The following NCOR2 variants were observed in gnomAD, a reference collection of about 807,000 sequenced individuals.
NCOR2 encodes CTG repeat protein 26.
In NCOR2, 81 loss-of-function variants were observed where a neutral mutation model predicts 262.9. The observed-to-expected ratio is 0.31, with a 90% confidence interval of 0.26 to 0.37. The LOEUF is 0.37. NCOR2 is among the 10% of genes least tolerant of loss of function. The probability of loss-of-function intolerance (pLI) is 1.00; values close to 1 mark genes in which losing one functional copy is unlikely to be tolerated. For synonymous variants in NCOR2, 1,659 were observed against 1,559.3 expected (o/e 1.06, Z -1.51); for missense variants, 3,385 against 3,621.4 (o/e 0.93, Z 1.68).
exon 47 of NCOR2, chr12:124,324,872 G>A (rs1266825764): frequency 6.6e-6 from 1 of 152,636 alleles, no homozygotes; most frequent in Non-Finnish European, 1.5e-5. Context: ...GCCTGACTTG[G>A]TTTCCAGCAA....
chr12:124,342,026 G>T, exon 34 of NCOR2: 1 of 1,612,776 alleles, frequency 6.2e-7, no homozygotes, highest in Non-Finnish European at 8.5e-7. Flanking sequence ...GTACAGGTGC[G>T]GGTAGGTGGG....
chr12:124,429,414 A>C, intron 10 of NCOR2, 199 bp downstream of exon 12: 1 of 601,478 alleles, frequency 1.7e-6, no homozygotes, highest in Admixed American at 2.9e-5. Context: ...CCTCTCAGAC[A>C]CATTAACACC....
chr12:124,427,696 C>T (rs1341816436), intron 10 of NCOR2, among the ~76,000 whole-genome samples: 3 of 152,176 alleles, frequency 2.0e-5, no homozygotes, highest in Non-Finnish European at 2.9e-5. Context: ...TTGGAGCTGT[C>T]CCCTACACCC....
chr12:124,489,823 A>G (rs1375745570), intron 1 of NCOR2, among the ~76,000 whole-genome samples: 1 of 151,992 alleles, frequency 6.6e-6, no homozygotes, highest in Non-Finnish European at 1.5e-5. Context: ...CAGAGAGGAG[A>G]AAGGGGCTAG....
rs182220724 is a variant in NCOR2, at chr12:124,481,991, G to T, written c.411+1605C>A. On this transcript the variant is annotated intron_variant, in intron 3 of 46. Transcript: ENST00000405201. The surrounding 1 kb of genome is among the most constrained non-coding windows in gnomAD (Gnocchi z 4.6). ...TGGAATTGAGATATTTTAGGGCAGA[G>T]GTGTCAGGATTTGCTGATGGACTGG... Among the ~76,000 whole-genome samples the T allele has an allele frequency of 4.0e-4, 61 of 152,248 alleles. No individual in the cohort carries two copies. The highest frequency in any genetic ancestry group is 7.6e-4 in the Non-Finnish European group (52 of 67,992).
At chr12:124,561,243 T>G (rs191900600) in intron 1 of NCOR2, among the ~76,000 whole-genome samples, 81 of 152,274 alleles carry the variant, frequency 5.3e-4, no homozygotes, top group Non-Finnish European at 9.6e-4. Context: ...CGGCTCCGTA[T>G]AGTAGGAGTC....
At chr12:124,524,181 CCATT>C (rs1435057116) in intron 1 of NCOR2, among the ~76,000 whole-genome samples, 2 of 152,132 alleles carry the variant, frequency 1.3e-5, no homozygotes, top group Non-Finnish European at 1.5e-5. Context: ...TTGTTCTGGC[CCATT>C]CAATGTTTTT....
At chr12:124,430,704 C>T (rs767703298) in exon 9 of NCOR2, 1 of 1,614,070 alleles carries the variant, frequency 6.2e-7, no homozygotes, top group Non-Finnish European at 8.5e-7. Context: ...CCTTGGCCCG[C>T]CGCCGGGGGT....
Position 124,372,099 on chromosome 12 carries a change from G to C in NCOR2, c.2730C>G (p.Gly910=), listed in dbSNP as rs571479738. The C allele has an allele frequency of 1.9e-6, 3 of 1,602,814 alleles. No individual in the cohort carries two copies. In the South Asian group the frequency reaches 3.3e-5, roughly 18 times the overall value. Reference sequence around the variant, plus strand: ...CACTGGAGTCGCTGTCCTGGGGGGCGCCCGAGCTCTTGGCTGTGGTGGCCC... The same window carrying C: ...CACTGGAGTCGCTGTCCTGGGGGGCCCCCGAGCTCTTGGCTGTGGTGGCCC... The change falls in exon 20 of 47, where the codon GGC becomes GGG. Residue 910 remains glycine (G), a synonymous_variant. Transcript: ENST00000405201.
intron 22 of NCOR2, among the ~76,000 whole-genome samples, chr12:124,359,738 G>A (rs534084898): frequency 6.6e-6 from 1 of 152,270 alleles, no homozygotes; most frequent in Non-Finnish European, 1.5e-5. Flanking sequence ...GGCTGGGCGG[G>A]CGGCCGAGAG....
exon 2 of NCOR2, chr12:124,486,447 T>G: frequency 4.3e-6 from 7 of 1,612,644 alleles, no homozygotes; most frequent in Non-Finnish European, 5.9e-6. Flanking sequence ...TCACCGTTCA[T>G]TCCCGGGCTG....
chr12:124,338,020 G>C (rs1376091149), intron 37 of NCOR2, among the ~76,000 whole-genome samples: 1 of 152,210 alleles, frequency 6.6e-6, no homozygotes, highest in African/African-American at 2.4e-5. Context: ...CCACAGCCAG[G>C]GATTAGTGCT....
chr12:124,390,478 A>ACCCCCCCCCCCCCCCCCCCC (rs34149760), intron 16 of NCOR2, among the ~76,000 whole-genome samples: 3 of 121,108 alleles, frequency 2.5e-5, no homozygotes, highest in Non-Finnish European at 3.5e-5. Context: ...CTCCAAAGTG[A>ACCCCCCCCCCCCCCCCCCCC]CCCCCCCCCG....
At chr12:124,476,972 T>A (rs948499708) in intron 3 of NCOR2, among the ~76,000 whole-genome samples, 9 of 148,658 alleles carry the variant, frequency 6.1e-5, no homozygotes, top group Admixed American at 2.7e-4. Context: ...GAGAATATGA[T>A]GCTGAGTGGA....
Position 124,457,058 on chromosome 12 carries a change from AG to A in NCOR2, c.762+47del. ...CTCCCGCCTCCCTGCCCACCTCTCCAGCCACCCCCGCCCTCCCCTGAGCCCC... is the reference window on the plus strand; with the variant it reads ...CTCCCGCCTCCCTGCCCACCTCTCCACCACCCCCGCCCTCCCCTGAGCCCC... On this transcript the variant is annotated intron_variant, in intron 6 of 46. Coordinates refer to ENST00000405201, the Ensembl canonical transcript of NCOR2. This position sits in a 1 kb window ranked among gnomAD's most constrained non-coding sequence, Gnocchi z 4.0. 2.1e-6 allele frequency: 1 copy of A among 473,394 alleles called. No individual in the cohort carries two copies. The highest frequency in any genetic ancestry group is 3.3e-6 in the Non-Finnish European group (1 of 306,510). 29.3% of individuals were successfully genotyped at this position (473,394 alleles called of 1,614,324 possible).
intron 1 of NCOR2, among the ~76,000 whole-genome samples, chr12:124,560,553 T>G (rs559734619): frequency 3.8e-4 from 58 of 152,364 alleles, no homozygotes; most frequent in South Asian, 8.3e-4. Flanking sequence ...CACAATCGGC[T>G]CCGAAACATA....
rs745657498 is a variant in NCOR2 at position 124,336,844 on chromosome 12, C to T, written c.6024G>A (p.Pro2008=). ...CCGAGGCCGAGGCAGGTGGCGCCGG[C>T]GGGTCCGGGCTGGCGTGGTGAGGTG... is the stretch of plus-strand genomic sequence containing the variant. The change falls in exon 38 of 47, where the codon CCG becomes CCA. Residue 2008 remains proline, a synonymous_variant. Transcript: ENST00000405201. 70 of 1,612,140 alleles carry T rather than the reference C, an allele frequency of 4.3e-5. No homozygotes were observed. The East Asian group carries it at 5.1e-4, about 12-fold the overall frequency.
intron 1 of NCOR2, among the ~76,000 whole-genome samples, chr12:124,520,761 A>G (rs965425768): frequency 2.0e-5 from 3 of 152,164 alleles, no homozygotes; most frequent in Non-Finnish European, 2.9e-5. Flanking sequence ...AGAACTCCCC[A>G]TCACGCAAGC....
At position 124,548,234 on chromosome 12, in the gene NCOR2, TG is replaced by T. The variant is rs1267144604; in HGVS notation, c.-164-12624del. On this transcript the variant is annotated intron_variant, in intron 1 of 32. Transcript: ENST00000458234. The surrounding 1 kb of genome is among the most constrained non-coding windows in gnomAD (Gnocchi z 5.1). ...AATATGCAGGGAACAGCATTCCAGG[TG>T]GGGGGAACAACAAACGCGAAGGCCC... Among the ~76,000 whole-genome samples the T allele has an allele frequency of 6.6e-6, 1 of 152,000 alleles. No individual in the cohort carries two copies. Among genetic ancestry groups the T allele is most frequent in the Non-Finnish European group, 1.5e-5 (1 of 67,988 alleles).
Sources: gnomAD v4.1 joint callset for allele counts (sites outside exome capture counted in the v4.1 genomes callset) on GRCh38, gnomAD v4.1.1 for gene constraint, Gnocchi (gnomAD v3.1) non-coding constraint, MANE v1.5 for transcripts, NCBI Gene and HGNC (gene_info 2026-07-23, HGNC 2026-07-21) for gene names.